The following TANC1 variants were observed in gnomAD, a reference collection of about 807,000 sequenced individuals.
The protein encoded by TANC1 is tetratricopeptide repeat, ankyrin repeat and coiled-coil containing 1.
A neutral mutation model predicts 149.7 loss-of-function variants in TANC1; 77 were observed. The observed-to-expected ratio is 0.51, with a 90% CI of 0.43 to 0.62. The LOEUF (loss-of-function observed/expected upper bound fraction) is 0.62, where lower values mean the gene tolerates loss of function less well. TANC1 is among the 20% of genes least tolerant of loss of function. The probability of loss-of-function intolerance (pLI) is 0.00; values close to 1 mark genes in which losing one functional copy is unlikely to be tolerated. For missense variants in TANC1, 1,985 were observed against 2,321.8 expected (o/e 0.85, Z 2.98); for synonymous variants, 854 against 925.0 (o/e 0.92, Z 1.39).
intron 4 of TANC1, among the ~76,000 whole-genome samples, chr2:159,134,773 G>A (rs370839851): frequency 1.1e-4 from 16 of 151,894 alleles, no homozygotes; most frequent in Admixed American, 3.3e-4. Context: ...ATGAGCCACC[G>A]CGCCTGGCCT....
intron 3 of TANC1, among the ~76,000 whole-genome samples, chr2:159,069,098 T>C (rs1450459752): frequency 6.6e-6 from 1 of 152,170 alleles, no homozygotes; most frequent in Non-Finnish European, 1.5e-5. Flanking sequence ...TCGAGTAAAC[T>C]CAAAATAGCA....
At chr2:159,136,049 T>TGTGTGTGTGTGTGTGTGTGTGAGA in intron 4 of TANC1, 145 bp from the exon 5 acceptor site, 1 of 90,880 alleles carries the variant, frequency 1.1e-5, no homozygotes, top group Non-Finnish European at 2.1e-5. Context: ...TGTGTGTGTG[T>TGTGTGTGTGTGTGTGTGTGTGAGA]GCGCGCGCGC....
At chr2:159,199,312 T>C (rs2058080424) in intron 19 of TANC1, among the ~76,000 whole-genome samples, 1 of 152,222 alleles carries the variant, frequency 6.6e-6, no homozygotes, top group Admixed American at 6.5e-5. Flanking sequence ...CTGATGAATG[T>C]CAGATGGAAG....
At chr2:158,980,968 A>T (rs1053089973) in intron 1 of TANC1, among the ~76,000 whole-genome samples, 6 of 151,962 alleles carry the variant, frequency 3.9e-5, no homozygotes, top group African/African-American at 1.5e-4. Flanking sequence ...GGGTTGTCCC[A>T]TATTCTGAAT....
At chr2:159,015,523 A>G (rs2038185067) in intron 2 of TANC1, among the ~76,000 whole-genome samples, 1 of 152,098 alleles carries the variant, frequency 6.6e-6, no homozygotes. Context: ...TACTTACGCA[A>G]ATTTCTACAG....
At chr2:159,039,887 T>C (rs552085229) in intron 2 of TANC1, among the ~76,000 whole-genome samples, 6 of 152,342 alleles carry the variant, frequency 3.9e-5, no homozygotes, top group Admixed American at 1.3e-4. Context: ...CAGAGCTGAG[T>C]TCAAGTCCTG....
intron 2 of TANC1, among the ~76,000 whole-genome samples, chr2:159,002,355 G>A (rs886341682): frequency 3.3e-5 from 5 of 152,098 alleles, no homozygotes; most frequent in Middle Eastern, 3.2e-3. Flanking sequence ...GTAGGGAGGG[G>A]GTGGCAGTGA....
chr2:159,025,575 T>A (rs2149451610), intron 2 of TANC1, among the ~76,000 whole-genome samples: 1 of 152,338 alleles, frequency 6.6e-6, no homozygotes, highest in East Asian at 1.9e-4. Context: ...CTAATACTTG[T>A]CAATACCTAG....
At chr2:159,049,331 C>T (rs2041301652) in intron 2 of TANC1, among the ~76,000 whole-genome samples, 2 of 44,948 alleles carry the variant, frequency 4.4e-5, no homozygotes, top group Non-Finnish European at 1.1e-4. Context: ...CATTACCATC[C>T]AAACTTAGTT....
chr2:158,989,854 C>T (rs2035425332), intron 1 of TANC1, among the ~76,000 whole-genome samples: 1 of 151,924 alleles, frequency 6.6e-6, no homozygotes, highest in Non-Finnish European at 1.5e-5. Flanking sequence ...CAAATTCCAG[C>T]CCTCCTCTAA....
At position 159,044,090 on chromosome 2, in the gene TANC1, C is replaced by T. The variant is rs530717818; in HGVS notation, c.-15-21806C>T. 3.9e-5 allele frequency among the ~76,000 whole-genome samples: 6 copies of T among 152,288 alleles called. No individual in the cohort carries two copies. The South Asian group carries it at 1.2e-3, about 32-fold the overall frequency. On this transcript the variant is annotated intron_variant, in intron 2 of 26. Coordinates refer to ENST00000263635, the MANE Select transcript of TANC1 (RefSeq NM_033394.3). Reference sequence around the variant, plus strand: ...TTAGGAACTTGGGGAAACTTGCTAACCGTGTGCTGAGATCTCCCTGTATTG... The same window carrying T: ...TTAGGAACTTGGGGAAACTTGCTAATCGTGTGCTGAGATCTCCCTGTATTG...
rs373419108 is a variant in TANC1, at chr2:159,005,455, G to T, written c.-16+4266G>T. On this transcript the variant is annotated intron_variant, in intron 2 of 26. Coordinates refer to ENST00000263635, the MANE Select transcript of TANC1 (RefSeq NM_033394.3). The stretch of plus-strand genomic sequence containing the variant: ...AAAATACAAAAATTAGCTGGACATG[G>T]TGGCTTGCGCCTATAGTGCAAGCTA... Among the ~76,000 whole-genome samples, 182 of 152,238 alleles carry T rather than the reference G, an allele frequency of 1.2e-3. 1 individual carries two copies. Among genetic ancestry groups the T allele is most frequent in the African/African-American group, 4.3e-3 (177 of 41,540 alleles).
chr2:159,157,067 G>C, intron 7 of TANC1, among the ~76,000 whole-genome samples: 1 of 152,210 alleles, frequency 6.6e-6, no homozygotes. Flanking sequence ...GCCAGCATAC[G>C]GGGCTCCCAG....
chr2:159,143,899 TATTA>T (rs1222312898), intron 5 of TANC1, among the ~76,000 whole-genome samples: 3 of 151,986 alleles, frequency 2.0e-5, no homozygotes, highest in Admixed American at 6.6e-5. Flanking sequence ...TTAATTAAAA[TATTA>T]ATTGTTAACA....
In TANC1 at chr2:159,230,097, T is replaced by C; in HGVS notation, c.4671T>C (p.Ser1557=). ...VRNGSMKVQI[S]SQNPPPSPMP... ...ATGGCAGTATGAAAGTTCAGATCTC[T>C]TCTCAGAACCCTCCTCCAAGTCCCA... Residue 1557 remains serine (S), a synonymous_variant, in exon 27 of 27, where the codon TCT becomes TCC. Coordinates refer to ENST00000263635, the MANE Select transcript of TANC1 (RefSeq NM_033394.3). This position sits in a 1 kb window ranked among gnomAD's most constrained non-coding sequence, Gnocchi z 4.4. 1 of 1,613,922 alleles carries C rather than the reference T, an allele frequency of 6.2e-7. No individual in the cohort carries two copies. Among genetic ancestry groups the C allele is most frequent in the African/African-American group, 1.3e-5 (1 of 75,058 alleles).
At chr2:159,064,976 A>G (rs762317928) in intron 2 of TANC1, among the ~76,000 whole-genome samples, 2 of 150,856 alleles carry the variant, frequency 1.3e-5, no homozygotes, top group African/African-American at 4.9e-5. Context: ...CTTGCCTTCT[A>G]CTTCCCTTAG....
chr2:159,202,917 G>C (rs1000274687), intron 19 of TANC1, among the ~76,000 whole-genome samples: 36 of 152,136 alleles, frequency 2.4e-4, no homozygotes, highest in African/African-American at 6.5e-4. Context: ...AGCCCAAGCC[G>C]AAATGACCAG....
At chr2:159,168,552 C>G (rs185365792) in intron 8 of TANC1, among the ~76,000 whole-genome samples, 1 of 151,934 alleles carries the variant, frequency 6.6e-6, no homozygotes, top group Non-Finnish European at 1.5e-5. Context: ...TCCACCCGCC[C>G]CAGCCTCCCA....
chr2:159,121,339 T>C (rs1051495007), intron 4 of TANC1, among the ~76,000 whole-genome samples: 1 of 151,562 alleles, frequency 6.6e-6, no homozygotes, highest in Non-Finnish European at 1.5e-5. Context: ...TTCTCCGCTA[T>C]TGTTGTTGTT....
Sources: gnomAD v4.1 joint callset for allele counts (sites outside exome capture counted in the v4.1 genomes callset) on GRCh38, gnomAD v4.1.1 for gene constraint, Gnocchi (gnomAD v3.1) non-coding constraint, MANE v1.5 for transcripts, NCBI Gene and HGNC (gene_info 2026-07-23, HGNC 2026-07-21) for gene names.